Variants in ARHGEF7 observed in about 807,000 individuals in gnomAD.
The protein encoded by ARHGEF7 is PAK-interacting exchange factor beta.
ARHGEF7 carries 33 observed loss-of-function variants against 109.8 expected under a neutral mutation model. The observed-to-expected ratio is 0.30, with a 90% CI of 0.23 to 0.40. The LOEUF is 0.40. ARHGEF7 is among the 10% of genes least tolerant of loss of function. ARHGEF7 has a pLI of 1.00. For synonymous variants in ARHGEF7, 458 were observed against 424.6 expected, an observed-to-expected ratio of 1.08 and a Z score of -0.97; for missense variants, 938 against 1,098.5, an observed-to-expected ratio of 0.85 and a Z score of 2.07.
At chr13:111,123,917 G>T (rs1254751464) in intron 1 of ARHGEF7, among the ~76,000 whole-genome samples, 1 of 146,652 alleles carries the variant, frequency 6.8e-6, no homozygotes, top group South Asian at 2.2e-4. Flanking sequence ...CTGCTGGGTT[G>T]AGTCTCTCAT....
intron 13 of ARHGEF7, among the ~76,000 whole-genome samples, chr13:111,279,943 G>A (rs747452721): frequency 2.0e-5 from 3 of 152,110 alleles, no homozygotes; most frequent in South Asian, 2.1e-4. Flanking sequence ...TGTTATACAC[G>A]GTAGTTTTTT....
intron 2 of ARHGEF7, chr13:111,203,235 T>C: frequency 2.0e-6 from 1 of 504,896 alleles, no homozygotes; most frequent in Non-Finnish European, 2.9e-6. Flanking sequence ...GACATTCAGA[T>C]CTCCTATTTA....
chr13:111,157,370 AATT>A (rs1403364599), intron 2 of ARHGEF7, among the ~76,000 whole-genome samples: 4 of 151,988 alleles, frequency 2.6e-5, no homozygotes, highest in African/African-American at 9.7e-5. Context: ...CCAAAATAAT[AATT>A]ATTAATAAGA....
Position 111,292,119 on chromosome 13 carries a change from A to G in ARHGEF7, c.2136A>G (p.Thr712=), listed in dbSNP as rs1341682625. The G allele has an allele frequency of 9.9e-6, 16 of 1,611,828 alleles. No individual in the cohort carries two copies. The highest frequency in any genetic ancestry group is 1.4e-5 in the Non-Finnish European group (16 of 1,179,626). Residue 712 remains threonine, a splice_region_variant and synonymous_variant, in exon 19 of 22, where the codon ACA becomes ACG. Transcript: ENST00000646102. ...SAKTRQTLNS[T]WQGTDLMHNH... is the part of the protein sequence containing the mutation. The stretch of plus-strand genomic sequence containing the variant: ...TGTCCCTCCGCCCGCCCGTCTTAGC[A>G]TGGCAAGGCACTGACCTGATGCATA...
At chr13:111,257,156 C>G (rs1006852694) in intron 8 of ARHGEF7, among the ~76,000 whole-genome samples, 6 of 152,244 alleles carry the variant, frequency 3.9e-5, no homozygotes, top group Non-Finnish European at 4.4e-5. Flanking sequence ...CCCCACCCAG[C>G]TCTCCTTACT....
At chr13:111,193,224 C>T (rs1482495709) in intron 2 of ARHGEF7, among the ~76,000 whole-genome samples, 1 of 152,170 alleles carries the variant, frequency 6.6e-6, no homozygotes, top group South Asian at 2.1e-4. Context: ...ACAACTATGC[C>T]CCCGTGAAAG....
intron 2 of ARHGEF7, chr13:111,186,757 C>T (rs1002332156): frequency 4.1e-5 from 39 of 947,992 alleles, no homozygotes; most frequent in Non-Finnish European, 4.8e-5. Context: ...CTGGAGGAGG[C>T]GAGCTGACTG....
rs75282202 is a variant in ARHGEF7 at position 111,187,729 on chromosome 13, A to T, written c.253-17560A>T. ...TTTGGAAGTGGGGTGAGGCAAAGTC[A>T]CTAATATCGGGGTATCAGTAGGGGA... is the stretch of plus-strand genomic sequence containing the variant. On this transcript the variant is annotated intron_variant, in intron 2 of 21. Transcript: ENST00000646102. Among the ~76,000 whole-genome samples, 1,450 of 152,338 alleles carry T rather than the reference A, an allele frequency of 9.5e-3. 19 individuals are homozygous for T. Among genetic ancestry groups the T allele is most frequent in the African/African-American group, 0.032 (1,325 of 41,568 alleles).
At chr13:111,122,538 G>A (rs1225131754) in intron 1 of ARHGEF7, 5 of 152,266 alleles carry the variant, frequency 3.3e-5, no homozygotes, top group Non-Finnish European at 5.9e-5. Flanking sequence ...TTGCAGGATG[G>A]TGTCATGTCT....
chr13:111,171,422 TA>T (rs900857379), intron 2 of ARHGEF7, among the ~76,000 whole-genome samples: 4 of 152,012 alleles, frequency 2.6e-5, no homozygotes, highest in East Asian at 1.9e-4. Context: ...GAAAGCAAAT[TA>T]AAAAAAATAA....
At chr13:111,148,768 T>C (rs1186270616) in intron 1 of ARHGEF7, among the ~76,000 whole-genome samples, 1 of 152,222 alleles carries the variant, frequency 6.6e-6, no homozygotes, top group African/African-American at 2.4e-5. Flanking sequence ...CTTTAACGAC[T>C]GAAATGTTGC....
chr13:111,288,293 C>A, intron 17 of ARHGEF7, 61 bp from the exon 18 acceptor site: 1 of 1,125,288 alleles, frequency 8.9e-7, no homozygotes, highest in Non-Finnish European at 1.3e-6. Flanking sequence ...TTGCATTCGT[C>A]TCGCCAGTTG....
intron 2 of ARHGEF7, among the ~76,000 whole-genome samples, chr13:111,181,181 T>A (rs2078696719): frequency 1.3e-5 from 2 of 152,230 alleles, no homozygotes; most frequent in Admixed American, 1.3e-4. Flanking sequence ...GAAATACATT[T>A]TTTAGTGTGG....
At chr13:111,265,695 T>G (rs1303425309) in intron 8 of ARHGEF7, 2 of 456,226 alleles carry the variant, frequency 4.4e-6, no homozygotes, top group African/African-American at 4.0e-5. Context: ...GATCACCAAT[T>G]GGATGGTATT....
At chr13:111,183,915 C>T (rs912521789) in intron 2 of ARHGEF7, among the ~76,000 whole-genome samples, 1 of 152,098 alleles carries the variant, frequency 6.6e-6, no homozygotes, top group Admixed American at 6.5e-5. Context: ...GAAGGGTTGA[C>T]GGGGGTCACT....
chr13:111,221,138 C>T (rs1265901670), intron 5 of ARHGEF7, among the ~76,000 whole-genome samples: 2 of 102,716 alleles, frequency 1.9e-5, no homozygotes, highest in African/African-American at 7.3e-5. Context: ...AACTCCCTTT[C>T]ATATATATAT....
chr13:111,280,216 C>CT (rs2153606234), intron 13 of ARHGEF7, 56 bp from the exon 14 acceptor site: 1 of 1,524,004 alleles, frequency 6.6e-7, no homozygotes, highest in South Asian at 1.2e-5. Context: ...ATAATGGTAC[C>CT]TTTTTCTAGA....
At chr13:111,173,433 G>A (rs1253105202) in intron 2 of ARHGEF7, among the ~76,000 whole-genome samples, 1 of 152,206 alleles carries the variant, frequency 6.6e-6, no homozygotes, top group Non-Finnish European at 1.5e-5. Context: ...ACCAATTCCA[G>A]GCCTCTGTGT....
chr13:111,139,680 G>C (rs1319795770), intron 1 of ARHGEF7, among the ~76,000 whole-genome samples: 2 of 152,228 alleles, frequency 1.3e-5, no homozygotes, highest in Admixed American at 1.3e-4. Context: ...AGCTGCTTAG[G>C]GGCAAACCCA....
Sources: allele counts gnomAD v4.1 joint callset (sites outside exome capture counted in the v4.1 genomes callset), GRCh38; gene constraint gnomAD v4.1.1; transcripts MANE v1.5; gene names NCBI Gene and HGNC (gene_info 2026-07-23, HGNC 2026-07-21).